Variants in USP15 observed in about 807,000 individuals in gnomAD.
The protein encoded by USP15 is ubiquitin specific peptidase 15, also known as ubiquitin carboxyl-terminal hydrolase 15.
A neutral mutation model predicts 127.1 loss-of-function variants in USP15; 18 were observed. The ratio of observed to expected loss-of-function variants is 0.14; its 90% CI spans 0.10 to 0.21. USP15 has a LOEUF of 0.21. USP15 is among the 10% of genes least tolerant of loss of function. The pLI is 1.00. For missense variants in USP15, 805 were observed against 1,159.9 expected (o/e 0.69, Z 4.44); for synonymous variants, 364 against 393.7 (o/e 0.92, Z 0.89).
chr12:62,400,556 C>G (rs114912965), intron 20 of USP15, among the ~76,000 whole-genome samples: 1 of 150,004 alleles, frequency 6.7e-6, no homozygotes, highest in Non-Finnish European at 1.5e-5. Context: ...GACGCAGAAC[C>G]CATGTATGCA....
chr12:62,280,894 G>T (rs2063628525), intron 1 of USP15, among the ~76,000 whole-genome samples: 1 of 152,142 alleles, frequency 6.6e-6, no homozygotes, highest in African/African-American at 2.4e-5. Flanking sequence ...AAGCATTTTA[G>T]ACTTCATCCT....
chr12:62,361,226 C>G (rs1374850718), intron 8 of USP15, among the ~76,000 whole-genome samples: 1 of 152,000 alleles, frequency 6.6e-6, no homozygotes, highest in Non-Finnish European at 1.5e-5. Context: ...TGTAACTTGG[C>G]TAATAATGAT....
intron 16 of USP15, 31 bp from the exon 17 acceptor site, chr12:62,391,785 T>C: frequency 6.5e-7 from 1 of 1,536,394 alleles, no homozygotes; most frequent in African/African-American, 1.4e-5. Flanking sequence ...ACATATTAAA[T>C]TTTAAAGAAA....
In USP15 at chr12:62,380,938, A is replaced by C. The variant is rs183292752; in HGVS notation, c.916-552A>C. ...CTGGAAGTGAGAACACACTTACCAG[A>C]GTTCACATACTAAAGTTTGTTCTCT... On this transcript the variant is annotated intron_variant, in intron 8 of 21. Transcript: ENST00000280377. Among the ~76,000 whole-genome samples, 52 of 152,184 alleles carry C rather than the reference A, an allele frequency of 3.4e-4. 2 individuals carry two copies. In the East Asian group the frequency reaches 8.9e-3, roughly 26 times the overall value.
At chr12:62,326,005 A>C in intron 6 of USP15, 72 bp downstream of exon 6, 1 of 1,314,104 alleles carries the variant, frequency 7.6e-7, no homozygotes, top group Non-Finnish European at 1.1e-6. Context: ...CAAATCCACA[A>C]TGATAGAAGA....
intron 20 of USP15, among the ~76,000 whole-genome samples, chr12:62,398,149 C>G (rs906824472): frequency 1.3e-5 from 2 of 151,698 alleles, no homozygotes; most frequent in Non-Finnish European, 2.9e-5. Context: ...TGCCACCACA[C>G]CCAGCTAATT....
chr12:62,371,839 A>G (rs1012517730), intron 8 of USP15, among the ~76,000 whole-genome samples: 1 of 152,130 alleles, frequency 6.6e-6, no homozygotes, highest in African/African-American at 2.4e-5. Flanking sequence ...ATCAGGAGGT[A>G]AAAATAGCTC....
At position 62,408,047 on chromosome 12, in the gene USP15, A is replaced by G. The variant is rs2067929177; in HGVS notation, c.*3672A>G. The G allele has an allele frequency of 1.3e-5, 2 of 152,172 alleles. No individual in the cohort carries two copies. The highest frequency in any genetic ancestry group is 6.5e-5 in the Admixed American group (1 of 15,270). The allele number at this position is 152,172 out of a possible 1,614,324, so 9.4% of individuals were successfully genotyped here. A position where few individuals can be genotyped will look rare whatever the true frequency, so the allele number is the denominator to read the frequency against. The stretch of plus-strand genomic sequence containing the variant: ...ACAAAGAAAATCAGTAAGTACCAAA[A>G]TAGATACAACATAAAGGTGGTGGGG... On this transcript the variant is annotated 3_prime_UTR_variant, in exon 22 of 22. Coordinates refer to ENST00000280377, the MANE Select transcript of USP15 (RefSeq NM_001252078.2).
Position 62,404,540 on chromosome 12 carries a change from C to T in USP15, c.*165C>T. The T allele has an allele frequency of 1.0e-6, 1 of 980,534 alleles. No homozygotes were observed. Among genetic ancestry groups the T allele is most frequent in the Non-Finnish European group, 1.4e-6 (1 of 735,208 alleles). 60.7% of individuals were successfully genotyped at this position (980,534 alleles called of 1,614,324 possible). A position where few individuals can be genotyped will look rare whatever the true frequency, so the allele number is the denominator to read the frequency against. On this transcript the variant is annotated 3_prime_UTR_variant, in exon 22 of 22. Transcript: ENST00000280377. ...AACTTGTGCAGTACTTGAAGTGAAA[C>T]ACAATGAAAACTTTAACAGAAATTG...
At chr12:62,294,147 A>G (rs2064058852) in intron 1 of USP15, 32 bp from the exon 2 acceptor site, 1 of 1,605,746 alleles carries the variant, frequency 6.2e-7, no homozygotes, top group South Asian at 1.1e-5. Context: ...ATTTTCAGGT[A>G]TTTTCCTTAA....
chr12:62,325,247 T>C (rs971146557), intron 5 of USP15, among the ~76,000 whole-genome samples: 1 of 152,004 alleles, frequency 6.6e-6, no homozygotes, highest in Non-Finnish European at 1.5e-5. Flanking sequence ...GTGATTTCTG[T>C]CTGCCTCATC....
At chr12:62,348,187 A>T (rs2137416312) in intron 6 of USP15, among the ~76,000 whole-genome samples, 1 of 152,348 alleles carries the variant, frequency 6.6e-6, no homozygotes, top group East Asian at 1.9e-4. Flanking sequence ...CAGCCTGGGC[A>T]ACAGAACGAA....
intron 1 of USP15, among the ~76,000 whole-genome samples, chr12:62,265,712 A>C (rs1167339795): frequency 6.6e-6 from 1 of 152,030 alleles, no homozygotes; most frequent in African/African-American, 2.4e-5. Flanking sequence ...ACACCCAGCT[A>C]ATTTTTAAAG....
Position 62,384,342 on chromosome 12 carries a change from T to G in USP15, c.1473+40T>G. 2 of 1,414,522 alleles carry G rather than the reference T, an allele frequency of 1.4e-6. 1 individual carries two copies. Among genetic ancestry groups the G allele is most frequent in the Non-Finnish European group, 1.9e-6 (2 of 1,053,406 alleles). The allele number at this position is 1,414,522 out of a possible 1,614,324, so 87.6% of individuals were successfully genotyped here. ...GGTTTGTTTTGTTTTTTTTTTTTTT[T>G]TTTTGCATTTGTTATTTTTATTAAA... On this transcript the variant is annotated intron_variant, in intron 11 of 21. Transcript: ENST00000280377.
Position 62,387,466 on chromosome 12 carries a change from G to A in USP15, c.1474-1965G>A, listed in dbSNP as rs142997530. Among the ~76,000 whole-genome samples, 337 of 152,184 alleles carry A rather than the reference G, an allele frequency of 2.2e-3. 2 individuals carry two copies. The highest frequency in any genetic ancestry group is 8.0e-3 in the African/African-American group (332 of 41,512). ...GACAACACTCTAAAGAACAATGTAG[G>A]AGAACTTCAAAAGAGGAATATGATC... On this transcript the variant is annotated intron_variant, in intron 11 of 21. Coordinates refer to ENST00000280377, the MANE Select transcript of USP15 (RefSeq NM_001252078.2).
chr12:62,310,506 T>C (rs2064636997), intron 3 of USP15, among the ~76,000 whole-genome samples: 1 of 151,946 alleles, frequency 6.6e-6, no homozygotes, highest in Non-Finnish European at 1.5e-5. Context: ...CCCTGGCTTA[T>C]TTCACTTAAT....
chr12:62,340,313 ATTT>A (rs915343044), intron 6 of USP15, among the ~76,000 whole-genome samples: 1 of 151,244 alleles, frequency 6.6e-6, no homozygotes, highest in African/African-American at 2.4e-5. Flanking sequence ...TATCTATTTT[ATTT>A]TTTTCCAAAA....
At chr12:62,294,392 G>A in intron 2 of USP15, 86 bp downstream of exon 2, 2 of 1,465,944 alleles carry the variant, frequency 1.4e-6, no homozygotes, top group Non-Finnish European at 9.2e-7. Flanking sequence ...GAAAATGTTA[G>A]CGCAAATAAG....
chr12:62,322,670 C>G (rs2065017673), intron 5 of USP15, among the ~76,000 whole-genome samples: 1 of 152,056 alleles, frequency 6.6e-6, no homozygotes, highest in Non-Finnish European at 1.5e-5. Flanking sequence ...CTTGTTTTTG[C>G]AAGAATACTC....
Sources: allele counts gnomAD v4.1 joint callset (sites outside exome capture counted in the v4.1 genomes callset), GRCh38; gene constraint gnomAD v4.1.1; transcripts MANE v1.5; gene names NCBI Gene and HGNC (gene_info 2026-07-23, HGNC 2026-07-21).